The following EZH1 variants were observed in gnomAD, a reference collection of about 807,000 sequenced individuals.
The protein encoded by EZH1 is histone-lysine N-methyltransferase EZH1.
EZH1 carries 33 observed loss-of-function variants against 100.5 expected under a neutral mutation model. The ratio of observed to expected loss-of-function variants is 0.33; its 90% CI spans 0.25 to 0.44. The LOEUF (loss-of-function observed/expected upper bound fraction) is 0.44, where lower values mean the gene tolerates loss of function less well. EZH1 is among the 20% of genes least tolerant of loss of function. The probability of loss-of-function intolerance (pLI) is 1.00; values close to 1 mark genes in which losing one functional copy is unlikely to be tolerated. For missense variants in EZH1, 475 were observed against 928.4 expected (o/e 0.51, Z 6.35); for synonymous variants, 272 against 313.8 (o/e 0.87, Z 1.41).
intron 10 of EZH1, 65 bp from the exon 11 acceptor site, chr17:42,713,454 A>G: frequency 7.0e-7 from 1 of 1,431,654 alleles, no homozygotes; most frequent in Non-Finnish European, 9.4e-7. Context: ...TCTCATCATC[A>G]CAAACTTTCA....
chr17:42,738,083 G>A (rs1014617006), intron 1 of EZH1, among the ~76,000 whole-genome samples: 1 of 151,594 alleles, frequency 6.6e-6, no homozygotes, highest in Non-Finnish European at 1.5e-5. Flanking sequence ...GGCTGAGGCA[G>A]GAGAATGGCG....
intron 4 of EZH1, among the ~76,000 whole-genome samples, chr17:42,724,843 T>G (rs2053786376): frequency 6.6e-6 from 1 of 151,934 alleles, no homozygotes; most frequent in Non-Finnish European, 1.5e-5. Flanking sequence ...GCTAATAAAT[T>G]AAATTTTTAA....
chr17:42,729,265 GA>G, intron 2 of EZH1: 1 of 240,558 alleles, frequency 4.2e-6, no homozygotes, highest in South Asian at 4.8e-5. Context: ...AAGTTAGCCA[GA>G]TGTGTTGGCC....
At chr17:42,740,480 C>T (rs896585206) in intron 1 of EZH1, among the ~76,000 whole-genome samples, 1 of 152,214 alleles carries the variant, frequency 6.6e-6, no homozygotes, top group Non-Finnish European at 1.5e-5. Context: ...TTGTGATCCA[C>T]CCGCTTCGGC....
chr17:42,724,983 A>G (rs2053789273), intron 4 of EZH1, among the ~76,000 whole-genome samples: 1 of 152,054 alleles, frequency 6.6e-6, no homozygotes, highest in South Asian at 2.1e-4. Flanking sequence ...CCTGGCCAAC[A>G]TGGTGAAACC....
rs560532208 is a variant in EZH1 at position 42,742,155 on chromosome 17, T to C, written c.-103+2856A>G. Among the ~76,000 whole-genome samples, 1,401 of 151,414 alleles carry C rather than the reference T, an allele frequency of 9.3e-3. 11 individuals are homozygous for C. Among genetic ancestry groups the C allele is most frequent in the Non-Finnish European group, 0.013 (871 of 67,774 alleles). The stretch of plus-strand genomic sequence containing the variant: ...GTGCTGTCTCTCTTTTTTTTTTTTT[T>C]CCCAAGACAGAGTCTCACTCTTTCG... On this transcript the variant is annotated intron_variant, in intron 1 of 20. Transcript: ENST00000428826.
intron 19 of EZH1, 44 bp from the exon 20 acceptor site, chr17:42,703,005 A>C: frequency 6.3e-7 from 1 of 1,582,882 alleles, no homozygotes; most frequent in South Asian, 1.1e-5. Flanking sequence ...ACCCAACTCC[A>C]AGTCAATAAC....
intron 13 of EZH1, chr17:42,709,614 A>G (rs2053434603): frequency 4.5e-6 from 2 of 443,960 alleles, no homozygotes. Context: ...TTAAATAGAA[A>G]AACAGACAGT....
At chr17:42,708,259 G>T in intron 14 of EZH1, 176 bp from the exon 15 acceptor site, 2 of 656,072 alleles carry the variant, frequency 3.0e-6, no homozygotes. Context: ...CTGCAGTGGG[G>T]TGATCTGCTT....
intron 7 of EZH1, among the ~76,000 whole-genome samples, chr17:42,719,431 T>A (rs2053664505): frequency 6.6e-6 from 1 of 152,158 alleles, no homozygotes; most frequent in Non-Finnish European, 1.5e-5. Flanking sequence ...AACAACAAAA[T>A]CCACAGTCCC....
intron 10 of EZH1, chr17:42,714,541 G>C: frequency 3.5e-6 from 1 of 283,358 alleles, no homozygotes; most frequent in Non-Finnish European, 7.2e-6. Flanking sequence ...GTGGATCCGT[G>C]TGTGCTGAAT....
At chr17:42,744,884 C>T in intron 1 of EZH1, 127 bp downstream of exon 1, 2 of 1,029,008 alleles carry the variant, frequency 1.9e-6, no homozygotes, top group Admixed American at 7.2e-5. Context: ...CCCGGCCAGG[C>T]AGGCAGTGTG....
At chr17:42,721,718 G>A (rs979401104) in intron 6 of EZH1, among the ~76,000 whole-genome samples, 7 of 151,936 alleles carry the variant, frequency 4.6e-5, no homozygotes, top group African/African-American at 1.7e-4. Flanking sequence ...GAAATAACTA[G>A]GGTATTTTGG....
rs1438996444 is a variant in EZH1 at position 42,729,035 on chromosome 17, A to G, written c.-11-83T>C. ...AAATACAAAAAAAAAAAAAAGATCA[A>G]TTATGCTTTCATTCCCATTAAATTT... On this transcript the variant is annotated intron_variant, in intron 2 of 20. Transcript: ENST00000428826. 3.0e-6 allele frequency: 4 copies of G among 1,340,940 alleles called. No homozygotes were observed. In the African/African-American group the frequency reaches 5.9e-5, roughly 20 times the overall value. The allele number at this position is 1,340,940 out of a possible 1,614,324, so 83.1% of individuals were successfully genotyped here.
Position 42,720,324 on chromosome 17 carries a change from T to C in EZH1, c.613A>G (p.Ser205Gly). The change falls in exon 7 of 21, where the codon AGC (serine) becomes GGC (glycine). Residue 205 changes from serine (S) to glycine (G), a missense_variant. Ser to Gly is a moderately conservative substitution (Grantham distance 56). Coordinates refer to ENST00000428826, the MANE Select transcript of EZH1 (RefSeq NM_001991.5). Reference sequence around the variant, plus strand: ...CTTGTTACTGGCAGATCTTCTTTGCTGTCATCCTGCTTTCCATCTGAGGTG... The same window carrying C: ...CTTGTTACTGGCAGATCTTCTTTGCCGTCATCCTGCTTTCCATCTGAGGTG... ...NDTSDGKQDD[S>G]KEDLPVTRKR... 1.2e-6 allele frequency: 2 copies of C among 1,614,244 alleles called. No individual in the cohort carries two copies. The highest frequency in any genetic ancestry group is 1.7e-6 in the Non-Finnish European group (2 of 1,180,050).
At chr17:42,729,274 G>A in intron 2 of EZH1, 1 of 232,200 alleles carries the variant, frequency 4.3e-6, no homozygotes, top group Non-Finnish European at 8.5e-6. Context: ...AGATGTGTTG[G>A]CCAGTGCCTG....
intron 1 of EZH1, 108 bp downstream of exon 1, chr17:42,744,903 A>G (rs995913909): frequency 1.0e-5 from 12 of 1,144,900 alleles, no homozygotes; most frequent in Non-Finnish European, 1.2e-5. Context: ...TGTCCCTCGG[A>G]TTCCTTCCAA....
At chr17:42,720,591 T>C in intron 6 of EZH1, 142 bp from the exon 7 acceptor site, 1 of 665,832 alleles carries the variant, frequency 1.5e-6, no homozygotes, top group East Asian at 2.9e-5. Flanking sequence ...GAAATTACAA[T>C]CATTTGATTG....
At chr17:42,704,345 C>T (rs948328704) in intron 18 of EZH1, among the ~76,000 whole-genome samples, 23 of 152,126 alleles carry the variant, frequency 1.5e-4, no homozygotes. Context: ...TCGATACCAG[C>T]CTGGCCAACA....
Sources: gnomAD v4.1 joint callset for allele counts (sites outside exome capture counted in the v4.1 genomes callset) on GRCh38, gnomAD v4.1.1 for gene constraint, MANE v1.5 for transcripts, NCBI Gene and HGNC (gene_info 2026-07-23, HGNC 2026-07-21) for gene names.